GZMA: variants seen among roughly 807,000 people sequenced by gnomAD.
GZMA encodes the protein CTL tryptase.
A neutral mutation model predicts 21.1 loss-of-function variants in GZMA; 17 were observed. That is an observed-to-expected ratio of 0.81 (90% confidence interval 0.55 to 1.21). The LOEUF is 1.21. Among genes scored for constraint, GZMA ranks in the 50% most tolerant of loss-of-function variants. GZMA has a pLI of 0.00. For synonymous variants in GZMA, 90 were observed against 107.8 expected (o/e 0.83, Z 1.03); for missense variants, 306 against 315.9 (o/e 0.97, Z 0.24).
At chr5:55,105,088 C>T (rs1452632828) in intron 1 of GZMA, among the ~76,000 whole-genome samples, 3 of 152,082 alleles carry the variant, frequency 2.0e-5, no homozygotes, top group Admixed American at 2.0e-4. Flanking sequence ...TCTATTTCCC[C>T]CAAATTAATA....
chr5:55,107,973 C>G (rs1374997315), intron 3 of GZMA, 38 bp downstream of exon 3: 2 of 1,586,556 alleles, frequency 1.3e-6, no homozygotes, highest in East Asian at 2.2e-5. Flanking sequence ...AGTCATAGAA[C>G]CTTCTACAAT....
chr5:55,104,683 A>G (rs1035708492), intron 1 of GZMA, among the ~76,000 whole-genome samples: 8 of 152,194 alleles, frequency 5.3e-5, no homozygotes, highest in African/African-American at 9.7e-5. Flanking sequence ...TCACTAAGAC[A>G]TAAGGTTCTC....
rs750964823 is a variant in GZMA at position 55,110,145 on chromosome 5, T to A, written c.752T>A (p.Leu251His). Residue 251 changes from leucine (L) to histidine (H), a missense_variant, in exon 5 of 5, where the codon CTC becomes CAC. Physicochemically the swap from Leu to His is moderately conservative, Grantham distance 99 (BLOSUM62 -3). Transcript: ENST00000274306. ...GVYILLSKKHLNWIIMTIKGA... is the reference protein window; with the variant it reads ...GVYILLSKKHHNWIIMTIKGA... ...TATATTCTTCTCTCAAAGAAACACC[T>A]CAACTGGATAATTATGACTATCAAG... 1 of 1,608,978 alleles carries A rather than the reference T, an allele frequency of 6.2e-7. No individual in the cohort carries two copies. The highest frequency in any genetic ancestry group is 1.3e-5 in the African/African-American group (1 of 74,536).
Position 55,107,906 on chromosome 5 carries a change from A to G in GZMA, c.328A>G (p.Thr110Ala), listed in dbSNP as rs56123911. ...TCCCTATCCATGCTATGACCCAGCC[A>G]CACGCGAAGGTGACCTTAAACTTTT... ...EFPYPCYDPA[T>A]REGDLKLLQL... The change falls in exon 3 of 5, where the codon ACA becomes GCA. Residue 110 changes from threonine (T) to alanine (A), a missense_variant. By Grantham distance (58) the Thr-to-Ala change is moderately conservative. Transcript: ENST00000274306. The G allele has an allele frequency of 1.1e-5, 17 of 1,613,460 alleles. No homozygotes were observed. In the Admixed American group the frequency reaches 2.3e-4, roughly 22 times the overall value.
Position 55,107,912 on chromosome 5 carries a change from G to A in GZMA, c.334G>A (p.Glu112Lys), listed in dbSNP as rs776260529. 1.9e-5 allele frequency: 30 copies of A among 1,613,060 alleles called. No individual in the cohort carries two copies. The highest frequency in any genetic ancestry group is 4.5e-5 in the East Asian group (2 of 44,864). Reference sequence around the variant, plus strand: ...TCCATGCTATGACCCAGCCACACGCGAAGGTGACCTTAAACTTTTACAGGT... The same window carrying A: ...TCCATGCTATGACCCAGCCACACGCAAAGGTGACCTTAAACTTTTACAGGT... Reference protein sequence around the residue: ...PYPCYDPATREGDLKLLQLME... With the variant: ...PYPCYDPATRKGDLKLLQLME... Residue 112 changes from glutamate to lysine, a missense_variant, in exon 3 of 5, where the codon GAA (glutamate) becomes AAA (lysine). Coordinates refer to ENST00000274306, the MANE Select transcript of GZMA (RefSeq NM_006144.4).
At position 55,107,818 on chromosome 5, in the gene GZMA, TG is replaced by T; in HGVS notation, c.244del (p.Ala82LeufsTer4). 1 of 1,612,790 alleles carries T rather than the reference TG, an allele frequency of 6.2e-7. No homozygotes were observed. Among genetic ancestry groups the T allele is most frequent in the Non-Finnish European group, 8.5e-7 (1 of 1,178,874 alleles). On this transcript the variant is annotated frameshift_variant, in exon 3 of 5. Transcript: ENST00000274306. LOFTEE classifies it high-confidence loss of function. ...GGAACAAAAGGTCCCAGGTCATTCT[TG>T]GGGCTCACTCAATAACCAGGGAAGA... ...NLNKRSQVILGAHSITREEPT... is the reference protein window; with the variant it reads ...NLNKRSQVILXAHSITREEPT...
intron 1 of GZMA, among the ~76,000 whole-genome samples, chr5:55,103,180 CTT>C (rs1216295780): frequency 6.6e-6 from 1 of 152,158 alleles, no homozygotes; most frequent in Non-Finnish European, 1.5e-5. Context: ...ACAAAACTCT[CTT>C]GTTCGTAAAA....
chr5:55,105,841 G>A (rs993108699), intron 2 of GZMA, among the ~76,000 whole-genome samples: 4 of 151,578 alleles, frequency 2.6e-5, no homozygotes, highest in Non-Finnish European at 5.9e-5. Flanking sequence ...GCGTGGTGGC[G>A]CATGCCTGTA....
At chr5:55,109,898 A>G (rs1430250050) in intron 4 of GZMA, 123 bp from the exon 5 acceptor site, 1 of 521,712 alleles carries the variant, frequency 1.9e-6, no homozygotes, top group East Asian at 3.2e-5. Context: ...AAATTAAAGC[A>G]CTATCTTCAA....
rs868139533 is a variant in GZMA at position 55,110,205 on chromosome 5, T to C, written c.*23T>C. On this transcript the variant is annotated 3_prime_UTR_variant, in exon 5 of 5. Transcript: ENST00000274306. ...TAAATAACCGTTTCCTTTCATTTAC[T>C]GTGGCTTCTTAATCTTTTCACAAAT... is the stretch of plus-strand genomic sequence containing the variant. The C allele has an allele frequency of 6.5e-7, 1 of 1,526,928 alleles. No homozygotes were observed. Among genetic ancestry groups the C allele is most frequent in the Admixed American group, 2.0e-5 (1 of 49,414 alleles). 94.6% of individuals were successfully genotyped at this position (1,526,928 alleles called of 1,614,324 possible). A position where few individuals can be genotyped will look rare whatever the true frequency, so the allele number is the denominator to read the frequency against.
At position 55,102,872 on chromosome 5, in the gene GZMA, T is replaced by A. The variant is rs1742327291; in HGVS notation, c.70+120T>A. The A allele has an allele frequency of 1.1e-5, 8 of 719,614 alleles. No homozygotes were observed. The South Asian group carries it at 1.2e-4, about 11-fold the overall frequency. The allele number at this position is 719,614 out of a possible 1,614,324, so 44.6% of individuals were successfully genotyped here. ...AGAAGATGTTTTCCCCCAAGCCTTATAATGTTTAGCCAGGCACAATGGCAC... is the reference window on the plus strand; with the variant it reads ...AGAAGATGTTTTCCCCCAAGCCTTAAAATGTTTAGCCAGGCACAATGGCAC... On this transcript the variant is annotated intron_variant, in intron 1 of 4. Transcript: ENST00000274306.
At chr5:55,109,566 A>G (rs530772951) in intron 4 of GZMA, among the ~76,000 whole-genome samples, 1 of 152,304 alleles carries the variant, frequency 6.6e-6, no homozygotes, top group East Asian at 1.9e-4. Context: ...TCATATCTTT[A>G]TAAGGCCAAC....
At chr5:55,108,943 C>T (rs1480485215) in intron 4 of GZMA, among the ~76,000 whole-genome samples, 2 of 152,190 alleles carry the variant, frequency 1.3e-5, no homozygotes, top group Non-Finnish European at 2.9e-5. Flanking sequence ...AATGTGTAAG[C>T]TTCCATCCTA....
intron 1 of GZMA, among the ~76,000 whole-genome samples, chr5:55,103,835 G>A (rs1385595004): frequency 1.3e-5 from 2 of 152,032 alleles, no homozygotes; most frequent in African/African-American, 4.8e-5. Flanking sequence ...GTGAAACCTT[G>A]TCTCCACTAA....
At chr5:55,104,865 T>C (rs1459955660) in intron 1 of GZMA, among the ~76,000 whole-genome samples, 1 of 152,202 alleles carries the variant, frequency 6.6e-6, no homozygotes, top group Non-Finnish European at 1.5e-5. Flanking sequence ...TTAAACCCCA[T>C]GGTTTGGTCT....
rs1742441006 is a variant in GZMA at position 55,107,913 on chromosome 5, A to T, written c.335A>T (p.Glu112Val). ...CCATGCTATGACCCAGCCACACGCG[A>T]AGGTGACCTTAAACTTTTACAGGTA... The part of the protein sequence containing the change: ...PYPCYDPATR[E>V]GDLKLLQLME... Residue 112 changes from glutamate (E) to valine (V), a missense_variant, in exon 3 of 5, where the codon GAA (glutamate) becomes GTA (valine). Coordinates refer to ENST00000274306, the MANE Select transcript of GZMA (RefSeq NM_006144.4). 1 of 1,613,338 alleles carries T rather than the reference A, an allele frequency of 6.2e-7. No homozygotes were observed. The highest frequency in any genetic ancestry group is 1.3e-5 in the African/African-American group (1 of 74,912).
rs142259151 is a variant in GZMA at position 55,108,363 on chromosome 5, G to A, written c.596G>A (p.Gly199Glu). 66 of 1,613,430 alleles carry A rather than the reference G, an allele frequency of 4.1e-5. No individual in the cohort carries two copies. Among genetic ancestry groups the A allele is most frequent in the Non-Finnish European group, 5.3e-5 (63 of 1,179,554 alleles). The change falls in exon 4 of 5, where the codon GGA becomes GAA. Residue 199 changes from glycine to glutamate, a missense_variant. Physicochemically the swap from Gly to Glu is moderately conservative, Grantham distance 98. Transcript: ENST00000274306. ...PVIGMNMVCA[G>E]SLRGGRDSCN... Reference sequence around the variant, plus strand: ...ATTGGAATGAATATGGTTTGTGCTGGAAGCCTCCGAGGTGGAAGAGACTCG... The same window carrying A: ...ATTGGAATGAATATGGTTTGTGCTGAAAGCCTCCGAGGTGGAAGAGACTCG...
At position 55,105,809 on chromosome 5, in the gene GZMA, T is replaced by A. The variant is rs193043075; in HGVS notation, c.215+191T>A. ...CCAACATGGTGAAACCCCATCTCTATTAAAAATACAAAATTAGCCAGGCGT... is the reference window on the plus strand; with the variant it reads ...CCAACATGGTGAAACCCCATCTCTAATAAAAATACAAAATTAGCCAGGCGT... On this transcript the variant is annotated intron_variant, in intron 2 of 4. Transcript: ENST00000274306. Among the ~76,000 whole-genome samples, 338 of 151,384 alleles carry A rather than the reference T, an allele frequency of 2.2e-3. 3 individuals carry two copies. Among genetic ancestry groups the A allele is most frequent in the African/African-American group, 7.8e-3 (321 of 41,250 alleles).
At position 55,107,952 on chromosome 5, in the gene GZMA, G is replaced by A. The variant is rs1742442034; in HGVS notation, c.357+17G>A. ...CTTTTACAGGTACGTATCTTTGATT[G>A]TCTTCTCAAAAGTCATAGAACCTTC... On this transcript the variant is annotated intron_variant, in intron 3 of 4. Coordinates refer to ENST00000274306, the MANE Select transcript of GZMA (RefSeq NM_006144.4). 3.7e-6 allele frequency: 6 copies of A among 1,608,590 alleles called. No homozygotes were observed. Among genetic ancestry groups the A allele is most frequent in the Middle Eastern group, 3.3e-4 (2 of 6,060 alleles).
Sources: allele counts gnomAD v4.1 joint callset (sites outside exome capture counted in the v4.1 genomes callset), GRCh38; gene constraint gnomAD v4.1.1; transcripts MANE v1.5; gene names NCBI Gene and HGNC (gene_info 2026-07-23, HGNC 2026-07-21).